TIGAR: variants seen among roughly 807,000 people sequenced by gnomAD.
TIGAR encodes the protein TP53 induced glycolysis regulatory phosphatase, also known as fructose-2,6-bisphosphatase TIGAR.
Under a neutral mutation model 17.9 loss-of-function variants are expected in TIGAR, and 7 were observed. The ratio of observed to expected loss-of-function variants is 0.39; its 90% CI spans 0.22 to 0.73. The LOEUF (loss-of-function observed/expected upper bound fraction) is 0.73, where lower values mean the gene tolerates loss of function less well. Among genes scored for constraint, TIGAR ranks in the 30% least tolerant of loss-of-function variants. TIGAR has a pLI of 0.42. For missense variants in TIGAR, 258 were observed against 327.4 expected (o/e 0.79, Z 1.64); for synonymous variants, 94 against 108.6 (o/e 0.87, Z 0.84).
intron 1 of TIGAR, among the ~76,000 whole-genome samples, chr12:4,325,658 C>T (rs1191606174): frequency 6.7e-6 from 1 of 149,946 alleles, no homozygotes; most frequent in African/African-American, 2.5e-5. Flanking sequence ...AGGAGAATCT[C>T]TTGAACCCGG....
intron 3 of TIGAR, among the ~76,000 whole-genome samples, chr12:4,337,499 A>G (rs1162827869): frequency 2.0e-5 from 3 of 152,252 alleles, no homozygotes; most frequent in East Asian, 1.9e-4. Context: ...TGATGTGCCA[A>G]AAGTCTCAAC....
chr12:4,345,490 C>T (rs946360077), intron 3 of TIGAR, among the ~76,000 whole-genome samples: 32 of 152,220 alleles, frequency 2.1e-4, no homozygotes, highest in Non-Finnish European at 3.8e-4. Flanking sequence ...ACAAACCTGA[C>T]AAAAACAAGA....
rs923867152 is a variant in TIGAR at position 4,357,832 on chromosome 12, G to A, written c.*5141G>A. 1.3e-5 allele frequency among the ~76,000 whole-genome samples: 2 copies of A among 152,156 alleles called. No homozygotes were observed. The highest frequency in any genetic ancestry group is 2.9e-5 in the Non-Finnish European group (2 of 68,030). On this transcript the variant is annotated 3_prime_UTR_variant, in exon 6 of 6. Coordinates refer to ENST00000179259, the MANE Select transcript of TIGAR (RefSeq NM_020375.3). ...AGCAATCGCTGAGGTGGCTGGGCGT[G>A]GTGGCTCGCACCTGTAATCCCAGCA...
chr12:4,347,618 T>C (rs1050008690), intron 3 of TIGAR, among the ~76,000 whole-genome samples: 5 of 152,176 alleles, frequency 3.3e-5, no homozygotes, highest in Non-Finnish European at 7.4e-5. Flanking sequence ...CAGGATGTGA[T>C]TGTCATGCAT....
Position 4,351,380 on chromosome 12 carries a change from A to G in TIGAR, c.381+3A>G, listed in dbSNP as rs1864836772. ...CCGGAGGAGAGACGCTGGACCAGGT[A>G]TGTGGCGCTGCCGATGTCAGAATGG... On this transcript the variant is annotated splice_donor_region_variant and intron_variant, in intron 5 of 5. Coordinates refer to ENST00000179259, the MANE Select transcript of TIGAR (RefSeq NM_020375.3). The G allele has an allele frequency of 8.1e-6, 13 of 1,612,046 alleles. No individual in the cohort carries two copies. The highest frequency in any genetic ancestry group is 1.3e-5 in the African/African-American group (1 of 74,892).
intron 1 of TIGAR, among the ~76,000 whole-genome samples, chr12:4,323,280 G>GA (rs1385315508): frequency 6.6e-6 from 1 of 151,186 alleles, no homozygotes; most frequent in Non-Finnish European, 1.5e-5. Flanking sequence ...GTCTCAAAAA[G>GA]AAAAAAAAGA....
At chr12:4,343,706 A>G (rs879708468) in intron 3 of TIGAR, among the ~76,000 whole-genome samples, 28 of 152,244 alleles carry the variant, frequency 1.8e-4, no homozygotes, top group Non-Finnish European at 3.4e-4. Context: ...AACATACCAG[A>G]ATCTCTGGGA....
Position 4,359,821 on chromosome 12 carries a change from T to G in TIGAR, c.*7130T>G, listed in dbSNP as rs1258705963. On this transcript the variant is annotated 3_prime_UTR_variant, in exon 6 of 6. Transcript: ENST00000179259. Reference sequence around the variant, plus strand: ...CATGGTGGTTGTACCATTTCATGCTTATCAACAATGAGTTCTAGGTGCTTC... The same window carrying G: ...CATGGTGGTTGTACCATTTCATGCTGATCAACAATGAGTTCTAGGTGCTTC... 6.6e-6 allele frequency among the ~76,000 whole-genome samples: 1 copy of G among 152,214 alleles called. No individual in the cohort carries two copies. The highest frequency in any genetic ancestry group is 6.5e-5 in the Admixed American group (1 of 15,292).
At chr12:4,350,822 C>T (rs564986615) in intron 4 of TIGAR, among the ~76,000 whole-genome samples, 38 of 151,546 alleles carry the variant, frequency 2.5e-4, no homozygotes, top group African/African-American at 8.5e-4. Context: ...CTCATGTTAG[C>T]GTCTCTGAAA....
rs1469345301 is a variant in TIGAR, at chr12:4,321,380, C to T, written c.32+77C>T. On this transcript the variant is annotated intron_variant, in intron 1 of 5. Coordinates refer to ENST00000179259, the MANE Select transcript of TIGAR (RefSeq NM_020375.3). This position sits in a 1 kb window ranked among gnomAD's most constrained non-coding sequence, Gnocchi z 5.2. Reference sequence around the variant, plus strand: ...TGGAGCGGGTGAAGGGAAAACGGGTCCACCACCCTCTCCCCTCCCTGCTCG... The same window carrying T: ...TGGAGCGGGTGAAGGGAAAACGGGTTCACCACCCTCTCCCCTCCCTGCTCG... 6.3e-7 allele frequency: 1 copy of T among 1,581,244 alleles called. No individual in the cohort carries two copies. The highest frequency in any genetic ancestry group is 8.6e-7 in the Non-Finnish European group (1 of 1,165,688).
chr12:4,340,711 G>A (rs916209413), intron 3 of TIGAR, among the ~76,000 whole-genome samples: 1 of 152,148 alleles, frequency 6.6e-6, no homozygotes, highest in Non-Finnish European at 1.5e-5. Context: ...TAGACCAATA[G>A]ACCAGAATAG....
At chr12:4,343,113 A>G (rs190582739) in intron 3 of TIGAR, among the ~76,000 whole-genome samples, 59 of 152,330 alleles carry the variant, frequency 3.9e-4, no homozygotes, top group African/African-American at 1.4e-3. Context: ...TGGACTTTAA[A>G]CCAGCAAAGA....
At chr12:4,332,218 C>T (rs1446200366) in intron 2 of TIGAR, among the ~76,000 whole-genome samples, 4 of 146,984 alleles carry the variant, frequency 2.7e-5, no homozygotes, top group African/African-American at 1.0e-4. Flanking sequence ...TGTGTATAAG[C>T]ATTCAAGGCT....
intron 3 of TIGAR, among the ~76,000 whole-genome samples, chr12:4,344,114 C>T (rs1864754163): frequency 6.6e-6 from 1 of 152,182 alleles, no homozygotes; most frequent in South Asian, 2.1e-4. Context: ...CACAAATAAA[C>T]TAGAAAGTCT....
At position 4,352,759 on chromosome 12, in the gene TIGAR, T is replaced by G; in HGVS notation, c.*68T>G. ...GGGAGTGCCATTGGCTTTATTTACT[T>G]CTCTCCTCTGCTAGTTCTGATTTGG... On this transcript the variant is annotated 3_prime_UTR_variant, in exon 6 of 6. Coordinates refer to ENST00000179259, the MANE Select transcript of TIGAR (RefSeq NM_020375.3). 6.9e-7 allele frequency: 1 copy of G among 1,454,524 alleles called. No homozygotes were observed. The highest frequency in any genetic ancestry group is 1.3e-5 in the South Asian group (1 of 75,362). The allele number at this position is 1,454,524 out of a possible 1,614,324, so 90.1% of individuals were successfully genotyped here.
intron 3 of TIGAR, among the ~76,000 whole-genome samples, chr12:4,342,982 C>G (rs1345045141): frequency 6.6e-6 from 1 of 152,134 alleles, no homozygotes; most frequent in Non-Finnish European, 1.5e-5. Flanking sequence ...GTGCTGTATT[C>G]AGGAAATCCG....
intron 3 of TIGAR, among the ~76,000 whole-genome samples, chr12:4,342,912 A>G (rs1356957740): frequency 2.6e-5 from 4 of 152,242 alleles, no homozygotes; most frequent in African/African-American, 9.6e-5. Flanking sequence ...TAAATGGGCT[A>G]AATGTTCCAA....
intron 3 of TIGAR, among the ~76,000 whole-genome samples, chr12:4,338,775 C>G (rs1864686855): frequency 6.6e-6 from 1 of 151,928 alleles, no homozygotes; most frequent in South Asian, 2.1e-4. Flanking sequence ...CTCAGGAGTT[C>G]AAGACCAGCC....
intron 3 of TIGAR, among the ~76,000 whole-genome samples, chr12:4,347,042 C>T (rs1249801395): frequency 6.6e-6 from 1 of 152,132 alleles, no homozygotes; most frequent in Non-Finnish European, 1.5e-5. Flanking sequence ...CCAGAAGTTC[C>T]ACTGCTAGGT....
Sources: allele counts gnomAD v4.1 joint callset (sites outside exome capture counted in the v4.1 genomes callset), GRCh38; gene constraint gnomAD v4.1.1; non-coding constraint Gnocchi (gnomAD v3.1); transcripts MANE v1.5; gene names NCBI Gene and HGNC (gene_info 2026-07-23, HGNC 2026-07-21).